MRS2: variants seen among roughly 807,000 people sequenced by gnomAD.
MRS2 encodes magnesium transporter MRS2.
Under a neutral mutation model 52.6 loss-of-function variants are expected in MRS2, and 40 were observed. The ratio of observed to expected loss-of-function variants is 0.76; its 90% CI spans 0.59 to 0.99. The LOEUF (loss-of-function observed/expected upper bound fraction) is 0.99, where lower values mean the gene tolerates loss of function less well. Ranked by LOEUF, MRS2 falls within the 50% of genes least tolerant of loss-of-function variation. The probability of loss-of-function intolerance (pLI) is 0.00; values close to 1 mark genes in which losing one functional copy is unlikely to be tolerated. For synonymous variants in MRS2, 193 were observed against 195.9 expected (o/e 0.98, Z 0.13); for missense variants, 472 against 532.7 (o/e 0.89, Z 1.12).
At chr6:24,406,125 G>T (rs1241208428) in intron 2 of MRS2, among the ~76,000 whole-genome samples, 1 of 147,256 alleles carries the variant, frequency 6.8e-6, no homozygotes, top group Non-Finnish European at 1.5e-5. Flanking sequence ...AAAAAAAGGT[G>T]TGCCTATTCT....
intron 2 of MRS2, among the ~76,000 whole-genome samples, chr6:24,405,774 CTT>C (rs11406924): frequency 7.9e-6 from 1 of 126,028 alleles, no homozygotes; most frequent in Non-Finnish European, 1.6e-5. Context: ...TCTTTGTAGG[CTT>C]TTTTTTTTTT....
chr6:24,414,909 G>A (rs1761797083), intron 5 of MRS2, 124 bp from the exon 6 acceptor site: 1 of 801,988 alleles, frequency 1.2e-6, no homozygotes, highest in Non-Finnish European at 1.9e-6. Context: ...AATTATCTAT[G>A]TTCTGAAATG....
At chr6:24,404,801 G>A (rs1950496651) in intron 1 of MRS2, among the ~76,000 whole-genome samples, 1 of 152,074 alleles carries the variant, frequency 6.6e-6, no homozygotes, top group South Asian at 2.1e-4. Context: ...TGTGCATGAA[G>A]AGTCTTTTAA....
intron 3 of MRS2, among the ~76,000 whole-genome samples, chr6:24,408,693 T>G (rs2127284424): frequency 6.6e-6 from 1 of 152,326 alleles, no homozygotes; most frequent in African/African-American, 2.4e-5. Context: ...AAGGAATATT[T>G]GGGAGAGCAG....
At chr6:24,412,520 C>T (rs1561809675) in intron 5 of MRS2, 125 bp downstream of exon 5, 10 of 629,128 alleles carry the variant, frequency 1.6e-5, no homozygotes, top group Non-Finnish European at 2.6e-5. Flanking sequence ...CGAAACAAGT[C>T]GTCTCTAAGG....
chr6:24,422,294 T>G (rs1181813064), intron 9 of MRS2, among the ~76,000 whole-genome samples: 1 of 152,214 alleles, frequency 6.6e-6, no homozygotes, highest in African/African-American at 2.4e-5. Context: ...TAGCTATAAA[T>G]GGGATTCCTT....
In MRS2 at chr6:24,418,457, C is replaced by T. The variant is rs202045737; in HGVS notation, c.990-4C>T. 260 of 1,613,718 alleles carry T rather than the reference C, an allele frequency of 1.6e-4. 2 individuals carry two copies. The highest frequency in any genetic ancestry group is 1.2e-3 in the Middle Eastern group (7 of 6,084). ...CTAATCTGAATAGGTGTTCTCCTCTCCAGCCACCGAAACGTGATGATGAGG... is the reference window on the plus strand; with the variant it reads ...CTAATCTGAATAGGTGTTCTCCTCTTCAGCCACCGAAACGTGATGATGAGG... On this transcript the variant is annotated splice_region_variant and splice_polypyrimidine_tract_variant and intron_variant, in intron 8 of 10. Transcript: ENST00000378386.
rs1427712960 is a variant in MRS2 at position 24,423,725 on chromosome 6, T to TA, written c.*32dup. The TA allele has an allele frequency of 3.5e-6, 4 of 1,138,724 alleles. No individual in the cohort carries two copies. Among genetic ancestry groups the TA allele is most frequent in the Non-Finnish European group, 5.1e-6 (4 of 779,776 alleles). The allele number at this position is 1,138,724 out of a possible 1,614,324, so 70.5% of individuals were successfully genotyped here. On this transcript the variant is annotated 3_prime_UTR_variant, in exon 11 of 11. Coordinates refer to ENST00000378386, the MANE Select transcript of MRS2 (RefSeq NM_020662.4). Reference sequence around the variant, plus strand: ...GCCCCGTGGATACTGAAGTTTTTTTTATGGTAGTTACAGGAAACTTCTGAT... The same window carrying TA: ...GCCCCGTGGATACTGAAGTTTTTTTTAATGGTAGTTACAGGAAACTTCTGAT...
chr6:24,420,306 T>C (rs142312625), intron 9 of MRS2, among the ~76,000 whole-genome samples: 1 of 152,236 alleles, frequency 6.6e-6, no homozygotes, highest in East Asian at 1.9e-4. Context: ...AAAGTTACTT[T>C]GTCGTCTGCG....
At chr6:24,415,741 C>A (rs1030321010) in intron 6 of MRS2, among the ~76,000 whole-genome samples, 1 of 152,202 alleles carries the variant, frequency 6.6e-6, no homozygotes, top group South Asian at 2.1e-4. Context: ...AACCAAAAAT[C>A]TTAAATTCAC....
At chr6:24,416,314 G>T in intron 6 of MRS2, 83 bp from the exon 7 acceptor site, 12 of 596,212 alleles carry the variant, frequency 2.0e-5, no homozygotes, top group Non-Finnish European at 3.3e-5. Flanking sequence ...TAATATATTT[G>T]ATAAGATACT....
intron 5 of MRS2, among the ~76,000 whole-genome samples, chr6:24,412,708 A>G (rs1452639386): frequency 6.6e-6 from 1 of 152,170 alleles, no homozygotes; most frequent in Non-Finnish European, 1.5e-5. Context: ...TAAATGATGC[A>G]TCTTTTTGAG....
chr6:24,417,028 C>T (rs1378408133), intron 7 of MRS2, among the ~76,000 whole-genome samples: 2 of 152,156 alleles, frequency 1.3e-5, no homozygotes, highest in Admixed American at 6.5e-5. Flanking sequence ...TTGTTATTGT[C>T]TTTCTAGAGC....
chr6:24,420,700 G>A (rs952553318), intron 9 of MRS2, among the ~76,000 whole-genome samples: 2 of 152,200 alleles, frequency 1.3e-5, no homozygotes, highest in African/African-American at 4.8e-5. Context: ...GGTCAAGGAA[G>A]ATGTAAGGCG....
At chr6:24,423,233 A>G in intron 10 of MRS2, 183 bp downstream of exon 10, 1 of 561,530 alleles carries the variant, frequency 1.8e-6, no homozygotes, top group Non-Finnish European at 3.2e-6. Flanking sequence ...GGTTATGGGA[A>G]GAATTAAACA....
chr6:24,420,157 C>T (rs1761996856), intron 9 of MRS2, among the ~76,000 whole-genome samples: 1 of 152,206 alleles, frequency 6.6e-6, no homozygotes, highest in Non-Finnish European at 1.5e-5. Flanking sequence ...TTGTTACTAC[C>T]TCTCTCAGTG....
chr6:24,421,284 A>G (rs1762033477), intron 9 of MRS2, among the ~76,000 whole-genome samples: 1 of 152,234 alleles, frequency 6.6e-6, no homozygotes, highest in African/African-American at 2.4e-5. Context: ...AGCACAGCCC[A>G]TTTGTAATGA....
intron 6 of MRS2, 137 bp from the exon 7 acceptor site, chr6:24,416,255 CTTTTT>C: frequency 5.1e-6 from 2 of 395,750 alleles, no homozygotes; most frequent in Non-Finnish European, 9.1e-6. Context: ...AAATACTCAA[CTTTTT>C]TTTTTTTTTT....
At chr6:24,420,053 C>A (rs542442302) in intron 9 of MRS2, among the ~76,000 whole-genome samples, 2 of 152,160 alleles carry the variant, frequency 1.3e-5, no homozygotes, top group African/African-American at 4.8e-5. Context: ...TATTATGACA[C>A]CCTTCTGCAT....
Sources: allele counts gnomAD v4.1 joint callset (sites outside exome capture counted in the v4.1 genomes callset), GRCh38; gene constraint gnomAD v4.1.1; transcripts MANE v1.5; gene names NCBI Gene and HGNC (gene_info 2026-07-23, HGNC 2026-07-21).